Variants in ATP9B observed in about 807,000 individuals in gnomAD.
ATP9B encodes the protein ATPase phospholipid transporting 9B, also known as probable phospholipid-transporting ATPase IIB.
In ATP9B, 110 loss-of-function variants were observed where a neutral mutation model predicts 146.1. The ratio of observed to expected loss-of-function variants is 0.75; its 90% confidence interval spans 0.65 to 0.88. The LOEUF (loss-of-function observed/expected upper bound fraction) is 0.88, where lower values mean the gene tolerates loss of function less well. ATP9B is among the 40% of genes least tolerant of loss of function. The pLI, the probability that ATP9B is intolerant of heterozygous loss-of-function variation, is 0.00. For synonymous variants in ATP9B, 604 were observed against 569.7 expected (o/e 1.06, Z -0.86); for missense variants, 1,499 against 1,496.4 (o/e 1.00, Z -0.03).
intron 15 of ATP9B, among the ~76,000 whole-genome samples, chr18:79,317,787 GCATGGTAGAATGCACA>G (rs2096689908): frequency 6.6e-6 from 1 of 152,232 alleles, no homozygotes. Flanking sequence ...CATGGCCATT[GCATGGTAGAATGCACA>G]CAGGGCTCCT....
At chr18:79,267,956 T>G (rs1568535817) in intron 12 of ATP9B, among the ~76,000 whole-genome samples, 1 of 152,150 alleles carries the variant, frequency 6.6e-6, no homozygotes, top group African/African-American at 2.4e-5. Context: ...CTCTCATCAT[T>G]ATTGTGACTT....
At chr18:79,362,050 T>G (rs1600387845) in intron 26 of ATP9B, 1 of 152,304 alleles carries the variant, frequency 6.6e-6, no homozygotes. Context: ...GACCGGCGAG[T>G]GCCGGTCCAG....
At chr18:79,073,503 C>T (rs910798806) in intron 1 of ATP9B, among the ~76,000 whole-genome samples, 14 of 152,226 alleles carry the variant, frequency 9.2e-5, no homozygotes, top group African/African-American at 3.4e-4. Flanking sequence ...CGGCGCGCGC[C>T]TGCAATCCCA....
intron 5 of ATP9B, among the ~76,000 whole-genome samples, chr18:79,128,635 A>G (rs1416307321): frequency 1.3e-5 from 2 of 152,160 alleles, no homozygotes; most frequent in African/African-American, 4.8e-5. Flanking sequence ...AGAATATAAT[A>G]TAGATCTATC....
At chr18:79,331,802 A>T (rs2147150410) in intron 17 of ATP9B, among the ~76,000 whole-genome samples, 1 of 152,312 alleles carries the variant, frequency 6.6e-6, no homozygotes, top group East Asian at 1.9e-4. Flanking sequence ...CTGTGAACAG[A>T]CTTAAAATAG....
At position 79,120,893 on chromosome 18, in the gene ATP9B, G is replaced by C. The variant is rs1287876960; in HGVS notation, c.559-5374G>C. ...TCTTCCCTTCATCCACTCTTTTCTC[G>C]TGTGCGTGTCTCTGCATTAGAGGTG... is the stretch of plus-strand genomic sequence containing the variant. On this transcript the variant is annotated intron_variant, in intron 4 of 29. Coordinates refer to ENST00000426216, the MANE Select transcript of ATP9B (RefSeq NM_198531.5). Among the ~76,000 whole-genome samples, 4 of 152,060 alleles carry C rather than the reference G, an allele frequency of 2.6e-5. No homozygotes were observed. In the East Asian group the frequency reaches 5.8e-4, roughly 22 times the overall value.
At chr18:79,200,563 G>C (rs2095459793) in intron 9 of ATP9B, among the ~76,000 whole-genome samples, 1 of 151,576 alleles carries the variant, frequency 6.6e-6, no homozygotes, top group Non-Finnish European at 1.5e-5. Context: ...AAAAGCTTAG[G>C]AAAAAAAAGG....
At chr18:79,323,703 A>G (rs2096728673) in intron 15 of ATP9B, among the ~76,000 whole-genome samples, 1 of 152,172 alleles carries the variant, frequency 6.6e-6, no homozygotes, top group Non-Finnish European at 1.5e-5. Context: ...TCATCCGTGC[A>G]TCCAGTGGGG....
chr18:79,123,389 G>A (rs2094223271), intron 4 of ATP9B, among the ~76,000 whole-genome samples: 1 of 151,072 alleles, frequency 6.6e-6, no homozygotes, highest in Non-Finnish European at 1.5e-5. Flanking sequence ...AAAGAATTTT[G>A]AAAAAAAAGA....
chr18:79,345,619 G>A (rs751987170), intron 22 of ATP9B, 47 bp downstream of exon 22: 27 of 1,598,224 alleles, frequency 1.7e-5, no homozygotes, highest in South Asian at 3.3e-5. Flanking sequence ...AGAGAAACCC[G>A]TAGGCTGACA....
chr18:79,187,151 T>C (rs1257019709), intron 8 of ATP9B, among the ~76,000 whole-genome samples: 1 of 152,244 alleles, frequency 6.6e-6, no homozygotes, highest in African/African-American at 2.4e-5. Context: ...CTTCATCCTT[T>C]CACTGATTTG....
chr18:79,071,323 T>TATAAAACTC (rs1393612832), intron 1 of ATP9B, among the ~76,000 whole-genome samples: 1 of 151,364 alleles, frequency 6.6e-6, no homozygotes, highest in Non-Finnish European at 1.5e-5. Flanking sequence ...AAATATGGTT[T>TATAAAACTC]ATAAAACTCA....
intron 9 of ATP9B, among the ~76,000 whole-genome samples, chr18:79,204,237 T>G (rs1287011953): frequency 6.6e-6 from 1 of 152,346 alleles, no homozygotes. Context: ...TACTTGAATG[T>G]TCTTCTGTGT....
chr18:79,303,971 T>TA (rs1221014295), intron 14 of ATP9B, among the ~76,000 whole-genome samples: 1 of 152,236 alleles, frequency 6.6e-6, no homozygotes, highest in Non-Finnish European at 1.5e-5. Context: ...GAGTTATTTG[T>TA]AAAAAATTAT....
At chr18:79,206,823 C>A in intron 9 of ATP9B, 114 bp from the exon 10 acceptor site, 2 of 922,660 alleles carry the variant, frequency 2.2e-6, no homozygotes, top group South Asian at 1.6e-5. Flanking sequence ...TGCCTTTGCA[C>A]TGCTGTTCAC....
intron 5 of ATP9B, among the ~76,000 whole-genome samples, chr18:79,128,692 T>G (rs911242682): frequency 3.9e-5 from 6 of 152,212 alleles, no homozygotes; most frequent in Non-Finnish European, 8.8e-5. Flanking sequence ...GAGATGTTTT[T>G]CTGGTGTATT....
chr18:79,095,695 T>C (rs1167126184), intron 1 of ATP9B: 1 of 152,226 alleles, frequency 6.6e-6, no homozygotes, highest in East Asian at 1.9e-4. Context: ...AAATACTTGA[T>C]GCAAAATTCA....
At chr18:79,201,188 AG>A (rs967048764) in intron 9 of ATP9B, among the ~76,000 whole-genome samples, 5 of 152,332 alleles carry the variant, frequency 3.3e-5, no homozygotes, top group African/African-American at 1.2e-4. Flanking sequence ...GTTTTCTAAC[AG>A]TTTTTTTCTC....
chr18:79,217,411 C>T (rs1252776394), intron 11 of ATP9B, among the ~76,000 whole-genome samples: 2 of 152,208 alleles, frequency 1.3e-5, no homozygotes, highest in Non-Finnish European at 2.9e-5. Context: ...GTCTCATTCT[C>T]CTGACCTCGT....
Sources: allele counts gnomAD v4.1 joint callset (sites outside exome capture counted in the v4.1 genomes callset), GRCh38; gene constraint gnomAD v4.1.1; transcripts MANE v1.5; gene names NCBI Gene and HGNC (gene_info 2026-07-23, HGNC 2026-07-21).